Variants in IYD observed in about 807,000 individuals in gnomAD.
IYD encodes iodotyrosine deiodinase.
In IYD, 25 loss-of-function variants were observed where a neutral mutation model predicts 28.4. The observed-to-expected ratio is 0.88, with a 90% CI of 0.64 to 1.23. The LOEUF is 1.23. Among genes scored for constraint, IYD ranks in the 50% most tolerant of loss-of-function variants. The pLI, the probability that IYD is intolerant of heterozygous loss-of-function variation, is 0.00. For synonymous variants in IYD, 140 were observed against 130.8 expected, an observed-to-expected ratio of 1.07 and a Z score of -0.48; for missense variants, 352 against 357.9, an observed-to-expected ratio of 0.98 and a Z score of 0.13.
intron 1 of IYD, among the ~76,000 whole-genome samples, chr6:150,378,209 A>G (rs1318927416): frequency 6.6e-6 from 1 of 151,494 alleles, no homozygotes; most frequent in Non-Finnish European, 1.5e-5. Context: ...TTTAAGTTTT[A>G]GGGTACATGT....
intron 1 of IYD, among the ~76,000 whole-genome samples, chr6:150,385,507 T>A (rs776193740): frequency 9.2e-5 from 14 of 152,112 alleles, no homozygotes; most frequent in Non-Finnish European, 1.8e-4. Context: ...AAAAAAAGAT[T>A]GTTTTTCTAA....
intron 1 of IYD, chr6:150,384,311 G>T (rs1777780121): frequency 6.6e-6 from 1 of 152,160 alleles, no homozygotes; most frequent in African/African-American, 2.4e-5. Flanking sequence ...CTACTCATTA[G>T]ATCCCAACAA....
chr6:150,391,811 C>G (rs997159708), intron 2 of IYD, among the ~76,000 whole-genome samples: 1 of 152,102 alleles, frequency 6.6e-6, no homozygotes, highest in South Asian at 2.1e-4. Flanking sequence ...AGGGTTCAAA[C>G]GATTCTCCTG....
intron 1 of IYD, among the ~76,000 whole-genome samples, chr6:150,376,179 A>C (rs538602429): frequency 6.6e-6 from 1 of 152,290 alleles, no homozygotes; most frequent in Non-Finnish European, 1.5e-5. Context: ...CTTCTAACTA[A>C]AAGTATACAG....
Position 150,392,345 on chromosome 6 carries a change from G to A in IYD, c.371G>A (p.Gly124Glu), listed in dbSNP as rs1418659551. The change falls in exon 3 of 5, where the codon GGA (glycine) becomes GAA (glutamate). Residue 124 changes from glycine to glutamate, a missense_variant and splice_region_variant. By Grantham distance (98) the Gly-to-Glu change is moderately conservative (BLOSUM62 -2). Coordinates refer to ENST00000344419, the MANE Select transcript of IYD (RefSeq NM_203395.3). ...EVIDNVIRTA[G>E]TAPSGAHTEP... ...CTGATTTTAATGGAATGGGTGACAG[G>A]AACAGCCCCGAGTGGGGCTCACACA... The A allele has an allele frequency of 3.1e-6, 5 of 1,612,930 alleles. No individual in the cohort carries two copies. The Admixed American group carries it at 5.0e-5, about 16-fold the overall frequency.
Position 150,391,021 on chromosome 6 carries a change from G to A in IYD, c.371-1324G>A, listed in dbSNP as rs1050350554. On this transcript the variant is annotated intron_variant, in intron 2 of 4. Coordinates refer to ENST00000344419, the MANE Select transcript of IYD (RefSeq NM_203395.3). ...TGGGAGGCCGAGGCGAGCAGATCAC[G>A]AGGTCAAGAGATTGAAACCATCCTG... is the stretch of plus-strand genomic sequence containing the variant. Among the ~76,000 whole-genome samples, 6 of 152,104 alleles carry A rather than the reference G, an allele frequency of 3.9e-5. No homozygotes were observed. In the East Asian group the frequency reaches 5.8e-4, roughly 15 times the overall value.
At position 150,401,303 on chromosome 6, in the gene IYD, T is replaced by A. The variant is rs1427117599; in HGVS notation, c.*3066T>A. The A allele has an allele frequency of 6.6e-6, 1 of 152,060 alleles. No individual in the cohort carries two copies. The highest frequency in any genetic ancestry group is 1.5e-5 in the Non-Finnish European group (1 of 68,024). The allele number at this position is 152,060 out of a possible 1,614,324, so 9.4% of individuals were successfully genotyped here. A position where few individuals can be genotyped will look rare whatever the true frequency, so the allele number is the denominator to read the frequency against. On this transcript the variant is annotated 3_prime_UTR_variant, in exon 5 of 5. Transcript: ENST00000344419. Reference sequence around the variant, plus strand: ...TGGGTTGTTTTGGAATGTCCCCCACTTGGAGAGTTTGAGGAATGGAAATGA... The same window carrying A: ...TGGGTTGTTTTGGAATGTCCCCCACATGGAGAGTTTGAGGAATGGAAATGA...
intron 1 of IYD, among the ~76,000 whole-genome samples, chr6:150,377,265 T>C (rs1424454540): frequency 6.6e-6 from 1 of 152,196 alleles, no homozygotes; most frequent in East Asian, 1.9e-4. Flanking sequence ...CCCTAGTGGC[T>C]CCACTGCTCT....
intron 4 of IYD, chr6:150,395,482 C>G (rs1778278033): frequency 6.5e-7 from 1 of 1,537,236 alleles, no homozygotes; most frequent in African/African-American, 1.4e-5. Context: ...CATGCGGCAT[C>G]AGACTGCGAG....
chr6:150,388,630 G>GCTTGCTTGCTTGCTTTCTTT (rs1490791585), intron 1 of IYD, among the ~76,000 whole-genome samples: 2 of 129,364 alleles, frequency 1.5e-5, no homozygotes, highest in Admixed American at 8.2e-5. Context: ...TGGAGTTTTT[G>GCTTGCTTGCTTGCTTTCTTT]CTTTCTTTCT....
chr6:150,370,651 C>T, intron 1 of IYD: 1 of 985,416 alleles, frequency 1.0e-6, no homozygotes, highest in Non-Finnish European at 1.2e-6. Flanking sequence ...CAGGGAACAT[C>T]TGCTGTGAAG....
At chr6:150,379,368 T>G (rs59697656) in intron 1 of IYD, among the ~76,000 whole-genome samples, 1 of 152,316 alleles carries the variant, frequency 6.6e-6, no homozygotes, top group East Asian at 1.9e-4. Context: ...TGTATGGATC[T>G]GCGTTTTTCA....
chr6:150,393,832 G>T (rs971205570), intron 3 of IYD, among the ~76,000 whole-genome samples: 1 of 152,142 alleles, frequency 6.6e-6, no homozygotes, highest in African/African-American at 2.4e-5. Flanking sequence ...TTGACCCAGT[G>T]CATGCTGGGT....
chr6:150,389,968 G>A (rs1201996003), intron 2 of IYD, among the ~76,000 whole-genome samples: 1 of 152,030 alleles, frequency 6.6e-6, no homozygotes, highest in Admixed American at 6.6e-5. Flanking sequence ...ACACCATGAT[G>A]CTGTAGTACA....
At position 150,402,232 on chromosome 6, in the gene IYD, A is replaced by C. The variant is rs665389; in HGVS notation, c.*3995A>C. On this transcript the variant is annotated 3_prime_UTR_variant, in exon 5 of 5. Coordinates refer to ENST00000344419, the MANE Select transcript of IYD (RefSeq NM_203395.3). Reference sequence around the variant, plus strand: ...TAACCCAGTAATACTGTGGGATGCAACTTCTAGGGCATGGCTGCCTCCTTC... The same window carrying C: ...TAACCCAGTAATACTGTGGGATGCACCTTCTAGGGCATGGCTGCCTCCTTC... The C allele has an allele frequency of 0.79, 120,843 of 152,074 alleles. 48,223 individuals are homozygous for C. The highest frequency in any genetic ancestry group is 0.83 in the Admixed American group (12,699 of 15,276). 9.4% of individuals were successfully genotyped at this position (152,074 alleles called of 1,614,324 possible). A position where few individuals can be genotyped will look rare whatever the true frequency, so the allele number is the denominator to read the frequency against.
chr6:150,395,658 T>C (rs1778285918), intron 4 of IYD: 1 of 1,052,378 alleles, frequency 9.5e-7, no homozygotes, highest in Non-Finnish European at 1.4e-6. Flanking sequence ...TAGGTTATGA[T>C]TAGTGATGGA....
intron 1 of IYD, among the ~76,000 whole-genome samples, chr6:150,377,782 C>T (rs2115022608): frequency 6.6e-6 from 1 of 152,318 alleles, no homozygotes; most frequent in South Asian, 2.1e-4. Context: ...TTATTAACTA[C>T]AGAGGCTGCC....
rs1283362815 is a variant in IYD at position 150,404,397 on chromosome 6, G to A, written c.*6160G>A. 4 of 152,066 alleles carry A rather than the reference G, an allele frequency of 2.6e-5. No individual in the cohort carries two copies. The allele number at this position is 152,066 out of a possible 1,614,324, so 9.4% of individuals were successfully genotyped here. A position where few individuals can be genotyped will look rare whatever the true frequency, so the allele number is the denominator to read the frequency against. ...TTACGTTTGTGATTTGAAGTTGAAA[G>A]GTATAAGAATATTTAACTTAGCTCA... On this transcript the variant is annotated 3_prime_UTR_variant, in exon 5 of 5. Coordinates refer to ENST00000344419, the MANE Select transcript of IYD (RefSeq NM_203395.3).
chr6:150,396,602 C>T lies in IYD; in HGVS notation c.688-1453C>T, dbSNP rs749833219. The T allele has an allele frequency of 3.0e-4, 174 of 576,100 alleles. 1 individual carries two copies. Among genetic ancestry groups the T allele is most frequent in the South Asian group, 2.1e-3 (99 of 47,436 alleles). The allele number at this position is 576,100 out of a possible 1,614,324, so 35.7% of individuals were successfully genotyped here. A position where few individuals can be genotyped will look rare whatever the true frequency, so the allele number is the denominator to read the frequency against. On this transcript the variant is annotated intron_variant, in intron 4 of 4. Transcript: ENST00000344419. The stretch of plus-strand genomic sequence containing the variant: ...AAAAAGTTTAAGACTTGGCCAGGTG[C>T]GGTGGCTCACGCCTCTAATCCCAGC...
Sources: gnomAD v4.1 joint callset for allele counts (sites outside exome capture counted in the v4.1 genomes callset) on GRCh38, gnomAD v4.1.1 for gene constraint, MANE v1.5 for transcripts, NCBI Gene and HGNC (gene_info 2026-07-23, HGNC 2026-07-21) for gene names.